The following MAN1A2 variants were observed in gnomAD, a reference collection of about 807,000 sequenced individuals.
The protein encoded by MAN1A2 is mannosyl-oligosaccharide 1,2-alpha-mannosidase IB.
In MAN1A2, 26 loss-of-function variants were observed where a neutral mutation model predicts 75.7. The ratio of observed to expected loss-of-function variants is 0.34; its 90% CI spans 0.25 to 0.48. The LOEUF is 0.48. Among genes scored for constraint, MAN1A2 ranks in the 20% least tolerant of loss-of-function variants. The pLI, the probability that MAN1A2 is intolerant of heterozygous loss-of-function variation, is 0.99. For missense variants in MAN1A2, 562 were observed against 775.5 expected, an observed-to-expected ratio of 0.72 and a Z score of 3.27; for synonymous variants, 247 against 264.6, an observed-to-expected ratio of 0.93 and a Z score of 0.65.
chr1:117,442,371 T>C, intron 6 of MAN1A2, 46 bp downstream of exon 6: 1 of 1,315,700 alleles, frequency 7.6e-7, no homozygotes, highest in Non-Finnish European at 1.1e-6. Flanking sequence ...TATTTTGACC[T>C]TTTTAGTCTT....
In MAN1A2 at chr1:117,508,578, CAG is replaced by C. The variant is rs1263641263; in HGVS notation, c.1793+5611_1793+5612del. ...TTAAGAATAAGTAATCTTAAATAAT[CAG>C]AGTTATGGACAAAGATTTATGTACA... On this transcript the variant is annotated intron_variant, in intron 12 of 12. Coordinates refer to ENST00000356554, the MANE Select transcript of MAN1A2 (RefSeq NM_006699.5). Among the ~76,000 whole-genome samples, 8 of 151,332 alleles carry C rather than the reference CAG, an allele frequency of 5.3e-5. No homozygotes were observed. In the East Asian group the frequency reaches 9.7e-4, roughly 18 times the overall value.
At chr1:117,475,864 C>T (rs1335826834) in intron 8 of MAN1A2, among the ~76,000 whole-genome samples, 1 of 152,076 alleles carries the variant, frequency 6.6e-6, no homozygotes, top group African/African-American at 2.4e-5. Flanking sequence ...ATTTATAATC[C>T]TTTGGGTGTA....
At chr1:117,458,509 ATAGATATATATATAT>A (rs1557959096) in intron 6 of MAN1A2, among the ~76,000 whole-genome samples, 1 of 101,512 alleles carries the variant, frequency 9.9e-6, no homozygotes, top group Non-Finnish European at 2.0e-5. Flanking sequence ...ATATATATAT[ATAGATATATATATAT>A]TTTTTTTTTT....
intron 12 of MAN1A2, among the ~76,000 whole-genome samples, chr1:117,510,316 CAG>C (rs770479830): frequency 9.2e-5 from 14 of 152,068 alleles, no homozygotes; most frequent in Non-Finnish European, 1.9e-4. Context: ...GAAAACTTCT[CAG>C]AGAGTTTCAG....
chr1:117,441,565 A>G lies in MAN1A2; in HGVS notation c.856-666A>G, dbSNP rs1649035547. 2.0e-5 allele frequency among the ~76,000 whole-genome samples: 3 copies of G among 152,144 alleles called. No homozygotes were observed. In the South Asian group the frequency reaches 6.2e-4, roughly 32 times the overall value. On this transcript the variant is annotated intron_variant, in intron 5 of 12. Coordinates refer to ENST00000356554, the MANE Select transcript of MAN1A2 (RefSeq NM_006699.5). ...ACACACTTACCTATTGGGATATACT[A>G]AGAAAATAGTAGAAATTTTTCTATA...
chr1:117,452,257 A>C (rs1408180108), intron 6 of MAN1A2, among the ~76,000 whole-genome samples: 1 of 151,936 alleles, frequency 6.6e-6, no homozygotes, highest in Non-Finnish European at 1.5e-5. Context: ...CAGTGAGCTA[A>C]GATTGCGCCA....
chr1:117,400,482 A>C (rs888745437), intron 1 of MAN1A2, among the ~76,000 whole-genome samples: 16 of 150,506 alleles, frequency 1.1e-4, no homozygotes, highest in African/African-American at 3.9e-4. Context: ...TAAAAAAAAA[A>C]CTCCCTTGTG....
rs1156395401 is a variant in MAN1A2 at position 117,474,447 on chromosome 1, T to C, written c.1168+8020T>C. 2.6e-5 allele frequency among the ~76,000 whole-genome samples: 4 copies of C among 151,860 alleles called. No homozygotes were observed. In the East Asian group the frequency reaches 7.8e-4, roughly 30 times the overall value. On this transcript the variant is annotated intron_variant, in intron 8 of 12. Coordinates refer to ENST00000356554, the MANE Select transcript of MAN1A2 (RefSeq NM_006699.5). ...TTCTTTACTCTCCTTAAGTTTTCTA[T>C]GTAACCCCTCTATCCATCTCCAGCT...
intron 8 of MAN1A2, among the ~76,000 whole-genome samples, chr1:117,484,867 C>T (rs1461896574): frequency 4.0e-5 from 6 of 151,888 alleles, no homozygotes; most frequent in Non-Finnish European, 7.4e-5. Context: ...TCGTGACACA[C>T]TCAACTCTTT....
In MAN1A2 at chr1:117,431,397, G is replaced by A. The variant is rs115633379; in HGVS notation, c.855+10748G>A. 5.2e-3 allele frequency among the ~76,000 whole-genome samples: 788 copies of A among 152,126 alleles called. 7 individuals carry two copies. The highest frequency in any genetic ancestry group is 0.018 in the African/African-American group (758 of 41,490). On this transcript the variant is annotated intron_variant, in intron 5 of 12. Transcript: ENST00000356554. ...TCCTTTTTAATTTTTTATTAAAAAG[G>A]TAATTCCACAAAGATTGTTGGATCC...
At chr1:117,369,375 A>G (rs185476618) in intron 1 of MAN1A2, among the ~76,000 whole-genome samples, 9 of 152,182 alleles carry the variant, frequency 5.9e-5, no homozygotes, top group Admixed American at 5.9e-4. Context: ...ACTTTTCTTA[A>G]ACCTGCCATC....
At chr1:117,466,278 C>A in intron 7 of MAN1A2, 56 bp from the exon 8 acceptor site, 6 of 1,168,968 alleles carry the variant, frequency 5.1e-6, no homozygotes, top group South Asian at 4.1e-5. Flanking sequence ...ACATTAAAAC[C>A]AAGCCTTGAT....
chr1:117,490,657 A>C (rs1014750816), intron 8 of MAN1A2, among the ~76,000 whole-genome samples: 1 of 152,098 alleles, frequency 6.6e-6, no homozygotes, highest in Admixed American at 6.6e-5. Context: ...ACTTTACATC[A>C]AAAGCTAGAT....
intron 6 of MAN1A2, among the ~76,000 whole-genome samples, chr1:117,454,711 T>A (rs1176962476): frequency 2.0e-5 from 3 of 152,218 alleles, no homozygotes; most frequent in Admixed American, 1.3e-4. Flanking sequence ...TATAAAAGGC[T>A]TATTTTTTCT....
At chr1:117,427,214 CTGGCATTAG>C (rs1157412126) in intron 5 of MAN1A2, among the ~76,000 whole-genome samples, 14 of 151,878 alleles carry the variant, frequency 9.2e-5, no homozygotes, top group African/African-American at 3.4e-4. Context: ...AACCCAGATA[CTGGCATTAG>C]TTGACAAGGA....
At chr1:117,405,131 C>T (rs983656603) in intron 2 of MAN1A2, among the ~76,000 whole-genome samples, 2 of 152,172 alleles carry the variant, frequency 1.3e-5, no homozygotes, top group Non-Finnish European at 2.9e-5. Flanking sequence ...TGCTTTTATG[C>T]TGTAACAGCA....
At chr1:117,401,018 T>C (rs1035338569) in intron 1 of MAN1A2, among the ~76,000 whole-genome samples, 2 of 152,154 alleles carry the variant, frequency 1.3e-5, no homozygotes, top group Admixed American at 6.5e-5. Flanking sequence ...CAATAACTTC[T>C]CATTATCCCA....
At chr1:117,427,710 A>G (rs1018373219) in intron 5 of MAN1A2, among the ~76,000 whole-genome samples, 1 of 152,050 alleles carries the variant, frequency 6.6e-6, no homozygotes, top group Non-Finnish European at 1.5e-5. Flanking sequence ...ACAAAGAGAA[A>G]AGTTTGAAAG....
intron 1 of MAN1A2, among the ~76,000 whole-genome samples, chr1:117,380,021 G>A (rs1330722496): frequency 6.6e-6 from 1 of 152,078 alleles, no homozygotes; most frequent in Non-Finnish European, 1.5e-5. Flanking sequence ...TGGAATTACA[G>A]GGTCGTATGA....
Sources: gnomAD v4.1 joint callset for allele counts (sites outside exome capture counted in the v4.1 genomes callset) on GRCh38, gnomAD v4.1.1 for gene constraint, MANE v1.5 for transcripts, NCBI Gene and HGNC (gene_info 2026-07-23, HGNC 2026-07-21) for gene names.